FREM1: variants seen among roughly 807,000 people sequenced by gnomAD.
FREM1 encodes the protein FRAS1-related extracellular matrix protein 1.
A neutral mutation model predicts 210.1 loss-of-function variants in FREM1; 220 were observed. That is an observed-to-expected ratio of 1.05 (90% CI 0.94 to 1.17). FREM1 has a LOEUF of 1.17. FREM1 is among the 50% of genes most tolerant of loss of function. The probability of loss-of-function intolerance (pLI) is 0.00; values close to 1 mark genes in which losing one functional copy is unlikely to be tolerated. For missense variants in FREM1, 3,454 were observed against 2,675.5 expected, an observed-to-expected ratio of 1.29 and a Z score of -6.42; for synonymous variants, 1,189 against 980.2, an observed-to-expected ratio of 1.21 and a Z score of -3.98.
chr9:14,783,940 A>G (rs1179265606), intron 24 of FREM1, among the ~76,000 whole-genome samples: 3 of 152,224 alleles, frequency 2.0e-5, no homozygotes, highest in Admixed American at 2.0e-4. Context: ...CGTCAGACAG[A>G]AAAACATACT....
chr9:14,755,384 G>C (rs565429814), intron 29 of FREM1, among the ~76,000 whole-genome samples: 5 of 152,342 alleles, frequency 3.3e-5, no homozygotes, highest in African/African-American at 1.2e-4. Flanking sequence ...GATGTCAATA[G>C]TTCACACTTA....
chr9:14,816,972 C>T (rs929104010), intron 14 of FREM1, 101 bp from the exon 15 acceptor site: 8 of 411,004 alleles, frequency 1.9e-5, no homozygotes, highest in African/African-American at 1.2e-4. Context: ...CATGTGTTCA[C>T]TAAATAAATA....
At chr9:14,777,018 G>C (rs1228963104) in intron 24 of FREM1, among the ~76,000 whole-genome samples, 2 of 152,218 alleles carry the variant, frequency 1.3e-5, no homozygotes, top group Non-Finnish European at 2.9e-5. Flanking sequence ...AGATGAAGCT[G>C]AGACTAGAAT....
At chr9:14,770,549 C>T (rs1202302244) in intron 26 of FREM1, 56 bp downstream of exon 26, 4 of 1,345,040 alleles carry the variant, frequency 3.0e-6, no homozygotes, top group African/African-American at 2.9e-5. Flanking sequence ...CTCTCTAGCC[C>T]TGCCAGCCAC....
intron 27 of FREM1, among the ~76,000 whole-genome samples, chr9:14,766,983 C>A (rs1846536421): frequency 6.6e-6 from 1 of 152,180 alleles, no homozygotes; most frequent in African/African-American, 2.4e-5. Flanking sequence ...ACAGTAATCA[C>A]CACAAGTTGC....
At chr9:14,839,182 G>A (rs772947096) in intron 10 of FREM1, among the ~76,000 whole-genome samples, 5 of 152,200 alleles carry the variant, frequency 3.3e-5, no homozygotes, top group African/African-American at 4.8e-5. Context: ...AGCAATGGCA[G>A]TGAGGTGGGG....
chr9:14,799,307 G>GA (rs1297426352), intron 20 of FREM1, among the ~76,000 whole-genome samples: 1 of 151,386 alleles, frequency 6.6e-6, no homozygotes, highest in Non-Finnish European at 1.5e-5. Context: ...AAGGTAAGAA[G>GA]AAAAACAGAT....
chr9:14,753,570 C>T (rs572545304), intron 29 of FREM1, among the ~76,000 whole-genome samples: 41 of 152,302 alleles, frequency 2.7e-4, no homozygotes, highest in Middle Eastern at 6.8e-3. Context: ...CCAGCTCCCA[C>T]GTAAGAGTTC....
rs1818476278 is a variant in FREM1, at chr9:14,910,117, C to A, written c.-471G>T. On this transcript the variant is annotated 5_prime_UTR_variant, in exon 1 of 37. Transcript: ENST00000380880. Reference sequence around the variant, plus strand: ...TTTCTTTTTACTAAAAATCCATTAACCCACCTCACAGAAAATACAGAATTG... The same window carrying A: ...TTTCTTTTTACTAAAAATCCATTAAACCACCTCACAGAAAATACAGAATTG... 1 of 152,218 alleles carries A rather than the reference C, an allele frequency of 6.6e-6. No homozygotes were observed. 9.4% of individuals were successfully genotyped at this position (152,218 alleles called of 1,614,324 possible).
At chr9:14,857,176 G>A (rs374555294) in intron 5 of FREM1, among the ~76,000 whole-genome samples, 2 of 152,054 alleles carry the variant, frequency 1.3e-5, no homozygotes, top group Non-Finnish European at 2.9e-5. Flanking sequence ...ACCTTGCAGA[G>A]TGGACCCCCT....
Position 14,747,003 on chromosome 9 carries a change from G to C in FREM1, c.6058C>G (p.Leu2020Val). ...PKNCTLELKG[L>V]FHFEEGIQKL... ...TGGATGCCTTCTTCAAAATGGAAGA[G>C]TCCCTTTAATTCCAGAGTGCAGTTC... Residue 2020 changes from leucine (L) to valine (V), a missense_variant, in exon 34 of 37, where the codon CTC becomes GTC. Leu to Val is a conservative substitution (Grantham distance 32). Transcript: ENST00000380880. 6.2e-7 allele frequency: 1 copy of C among 1,613,132 alleles called. No homozygotes were observed. Among genetic ancestry groups the C allele is most frequent in the Non-Finnish European group, 8.5e-7 (1 of 1,179,540 alleles).
In FREM1 at chr9:14,746,272, G is replaced by A. The variant is rs564360051; in HGVS notation, c.6254+81C>T. 1.8e-5 allele frequency: 19 copies of A among 1,029,096 alleles called. No homozygotes were observed. In the African/African-American group the frequency reaches 2.5e-4, roughly 14 times the overall value. 63.7% of individuals were successfully genotyped at this position (1,029,096 alleles called of 1,614,324 possible). A position where few individuals can be genotyped will look rare whatever the true frequency, so the allele number is the denominator to read the frequency against. On this transcript the variant is annotated intron_variant, in intron 35 of 36. Coordinates refer to ENST00000380880, the MANE Select transcript of FREM1 (RefSeq NM_001379081.2). ...GGCACTCAATACTTGTTGAATGAATGAAGCAGCTCTCCGCTTCCATGAGCA... is the reference window on the plus strand; with the variant it reads ...GGCACTCAATACTTGTTGAATGAATAAAGCAGCTCTCCGCTTCCATGAGCA...
chr9:14,891,650 G>A (rs546832210), intron 1 of FREM1, among the ~76,000 whole-genome samples: 1 of 152,208 alleles, frequency 6.6e-6, no homozygotes, highest in South Asian at 2.1e-4. Flanking sequence ...GGCAGCATTT[G>A]ACTCAAACTG....
chr9:14,758,169 C>T (rs1844777172), intron 28 of FREM1, among the ~76,000 whole-genome samples: 1 of 152,204 alleles, frequency 6.6e-6, no homozygotes, highest in Admixed American at 6.5e-5. Flanking sequence ...TAGTGTAAGG[C>T]TGCAGGTTGT....
intron 3 of FREM1, among the ~76,000 whole-genome samples, chr9:14,860,658 T>TATATACATACACAC: frequency 7.5e-6 from 1 of 132,630 alleles, no homozygotes; most frequent in Middle Eastern, 4.8e-3. Context: ...TATATACACA[T>TATATACATACACAC]ATATACATAT....
chr9:14,799,485 T>C lies in FREM1; in HGVS notation c.3695-1843A>G, dbSNP rs567086830. 1.4e-4 allele frequency among the ~76,000 whole-genome samples: 21 copies of C among 152,270 alleles called. No individual in the cohort carries two copies. The East Asian group carries it at 3.9e-3, about 28-fold the overall frequency. ...TCCAAAATATCAACCCAAATACTAA[T>C]TTTTATGTAGGAAATTTTTATTTTT... is the stretch of plus-strand genomic sequence containing the variant. On this transcript the variant is annotated intron_variant, in intron 20 of 36. Coordinates refer to ENST00000380880, the MANE Select transcript of FREM1 (RefSeq NM_001379081.2).
chr9:14,886,384 CAAAAAAAAAAA>C lies in FREM1; in HGVS notation c.-267-17151_-267-17141del, dbSNP rs60702421. Among the ~76,000 whole-genome samples the C allele has an allele frequency of 1.8e-4, 11 of 59,818 alleles. 1 individual carries two copies. Among genetic ancestry groups the C allele is most frequent in the Admixed American group, 8.0e-4 (3 of 3,738 alleles). The allele number at this position is 59,818 out of a possible 152,430, so 39.2% of individuals were successfully genotyped here. A position where few individuals can be genotyped will look rare whatever the true frequency, so the allele number is the denominator to read the frequency against. On this transcript the variant is annotated intron_variant, in intron 1 of 36. Transcript: ENST00000380880. ...CTGGTGACAGAGTGAGACTCCGACT[CAAAAAAAAAAA>C]AAAAAAAAAAAAAGGAAAAAGAAAT...
At chr9:14,754,044 A>G (rs1843836172) in intron 29 of FREM1, among the ~76,000 whole-genome samples, 1 of 152,210 alleles carries the variant, frequency 6.6e-6, no homozygotes, top group African/African-American at 2.4e-5. Flanking sequence ...CAGATTTCAG[A>G]GTCTCTTGTA....
chr9:14,782,746 T>G (rs1849828841), intron 24 of FREM1, among the ~76,000 whole-genome samples: 1 of 152,364 alleles, frequency 6.6e-6, no homozygotes, highest in Admixed American at 6.5e-5. Context: ...TAACACTTAC[T>G]TAGTTCTTCC....
Sources: allele counts gnomAD v4.1 joint callset (sites outside exome capture counted in the v4.1 genomes callset), GRCh38; gene constraint gnomAD v4.1.1; transcripts MANE v1.5; gene names NCBI Gene and HGNC (gene_info 2026-07-23, HGNC 2026-07-21).